SMC1A: variants seen among roughly 807,000 people sequenced by gnomAD.
SMC1A encodes structural maintenance of chromosomes protein 1A.
SMC1A carries 4 observed loss-of-function variants against 94.5 expected under a neutral mutation model. That is an observed-to-expected ratio of 0.04 (90% confidence interval 0.02 to 0.10). The LOEUF (loss-of-function observed/expected upper bound fraction) is 0.10, where lower values mean the gene tolerates loss of function less well. SMC1A is among the 10% of genes least tolerant of loss of function. The probability of loss-of-function intolerance (pLI) is 1.00; values close to 1 mark genes in which losing one functional copy is unlikely to be tolerated. For synonymous variants in SMC1A, 345 were observed against 347.7 expected, an observed-to-expected ratio of 0.99 and a Z score of 0.09; for missense variants, 304 against 989.0, an observed-to-expected ratio of 0.31 and a Z score of 9.29.
At chrX:53,411,937 CA>C (rs1351526478) in intron 6 of SMC1A, 36 bp from the exon 7 acceptor site, 5 of 1,209,311 alleles carry the variant, frequency 4.1e-6, no homozygotes, top group Middle Eastern at 4.6e-4. Flanking sequence ...CAGGGATGAC[CA>C]AGTCAGCAGA....
intron 9 of SMC1A, among the ~76,000 whole-genome samples, chrX:53,408,140 C>T (rs1556890003): frequency 9.0e-6 from 1 of 111,672 alleles, no homozygotes; most frequent in Non-Finnish European, 1.9e-5. Flanking sequence ...ACCAGCCTGG[C>T]CAACATGGTG....
At chrX:53,422,693 G>A, upstream of SMC1A, 1 of 595,322 alleles carries the variant, frequency 1.7e-6, no homozygotes, top group Non-Finnish European at 2.9e-6. Context: ...TGCAAGCCGG[G>A]CGACCGGCAA....
In SMC1A at chrX:53,374,502, A is replaced by G. The variant is rs1425777343; in HGVS notation, c.*5601T>C. 9.0e-6 allele frequency: 1 copy of G among 111,593 alleles called. No homozygotes were observed. Among genetic ancestry groups the G allele is most frequent in the Non-Finnish European group, 1.9e-5 (1 of 53,122 alleles). 9.2% of individuals were successfully genotyped at this position (111,593 alleles called of 1,213,427 possible). A position where few individuals can be genotyped will look rare whatever the true frequency, so the allele number is the denominator to read the frequency against. On this transcript the variant is annotated 3_prime_UTR_variant, in exon 25 of 25. Coordinates refer to ENST00000322213, the MANE Select transcript of SMC1A (RefSeq NM_006306.4). ...TCCTATTAATCCATGGCTTTTCTGC[A>G]TTGTAGCTCCTGCTGCCTCTTCCAT... is the stretch of plus-strand genomic sequence containing the variant.
In SMC1A at chrX:53,383,180, A is replaced by G; in HGVS notation, c.3047T>C (p.Val1016Ala). The G allele has an allele frequency of 8.3e-7, 1 of 1,199,715 alleles. No individual in the cohort carries two copies. The highest frequency in any genetic ancestry group is 1.1e-6 in the Non-Finnish European group (1 of 888,294). The change falls in exon 20 of 25, where the codon GTG becomes GCG. Residue 1016 changes from valine to alanine, a missense_variant. Coordinates refer to ENST00000322213, the MANE Select transcript of SMC1A (RefSeq NM_006306.4). Reference sequence around the variant, plus strand: ...GTTGGGGGCGGCAATACGCTGAAGCACACTCTGCTGCTCATTCAGCTTCTG... The same window carrying G: ...GTTGGGGGCGGCAATACGCTGAAGCGCACTCTGCTGCTCATTCAGCTTCTG... ...LQQKLNEQQS[V>A]LQRIAAPNMK...
chrX:53,384,535 A>AT (rs1455731052), intron 19 of SMC1A, among the ~76,000 whole-genome samples: 1 of 111,249 alleles, frequency 9.0e-6, no homozygotes, highest in African/African-American at 3.3e-5. Flanking sequence ...AAGTGCTGGG[A>AT]TTACAAGTGT....
intron 16 of SMC1A, 77 bp downstream of exon 16, chrX:53,399,509 CATT>C (rs1332362767): frequency 1.5e-5 from 14 of 965,292 alleles, no homozygotes; most frequent in Non-Finnish European, 2.1e-5. Context: ...AAGTTGTGGA[CATT>C]ATCCTTCTGT....
intron 15 of SMC1A, among the ~76,000 whole-genome samples, chrX:53,402,780 G>A (rs1251320301): frequency 2.0e-5 from 2 of 98,568 alleles, no homozygotes; most frequent in Non-Finnish European, 4.0e-5. Flanking sequence ...AGAATTGCAT[G>A]AACACGGGAG....
At chrX:53,419,353 C>T (rs1056503051) in intron 1 of SMC1A, among the ~76,000 whole-genome samples, 3 of 109,311 alleles carry the variant, frequency 2.7e-5, no homozygotes, top group Admixed American at 9.9e-5. Context: ...ATGGCAAAAT[C>T]CCATCTCTAC....
chrX:53,386,228 A>G (rs2075604108), intron 19 of SMC1A, among the ~76,000 whole-genome samples: 1 of 111,903 alleles, frequency 8.9e-6, no homozygotes, highest in African/African-American at 3.2e-5. Flanking sequence ...AATGTGGGAC[A>G]TTTTCCAAGA....
At chrX:53,402,553 T>TA (rs370079547) in intron 15 of SMC1A, among the ~76,000 whole-genome samples, 67 of 92,476 alleles carry the variant, frequency 7.2e-4, no homozygotes, top group East Asian at 1.7e-3. Flanking sequence ...TTAAAAAGGT[T>TA]AAAAAAAAAA....
At chrX:53,419,720 A>T (rs2075747096) in intron 1 of SMC1A, among the ~76,000 whole-genome samples, 1 of 107,930 alleles carries the variant, frequency 9.3e-6, no homozygotes, top group Non-Finnish European at 1.9e-5. Flanking sequence ...GCTCCTCAGG[A>T]GGCTGAGGCA....
chrX:53,403,446 T>C (rs2075679504), intron 15 of SMC1A, 120 bp downstream of exon 15: 1 of 578,146 alleles, frequency 1.7e-6, no homozygotes. Flanking sequence ...AAGGCCTAGC[T>C]ACATAAACTC....
chrX:53,402,865 T>C (rs1384978847), intron 15 of SMC1A, among the ~76,000 whole-genome samples: 14 of 583 alleles, frequency 0.024, no homozygotes, highest in Non-Finnish European at 0.084. Flanking sequence ...CAAGACTCTG[T>C]CTCAAAAAAA....
intron 19 of SMC1A, among the ~76,000 whole-genome samples, chrX:53,384,911 C>T (rs1166495501): frequency 9.1e-6 from 1 of 110,058 alleles, no homozygotes; most frequent in Non-Finnish European, 1.9e-5. Flanking sequence ...TGCCACTGCA[C>T]TCCAACCTGG....
intron 13 of SMC1A, among the ~76,000 whole-genome samples, chrX:53,404,758 G>GT (rs1456419252): frequency 9.0e-6 from 1 of 111,638 alleles, no homozygotes; most frequent in Non-Finnish European, 1.9e-5. Context: ...GGCCGAGTAG[G>GT]TATCATCTTA....
chrX:53,411,388 G>C (rs782369646), intron 7 of SMC1A, among the ~76,000 whole-genome samples: 1 of 110,390 alleles, frequency 9.1e-6, no homozygotes, highest in South Asian at 3.9e-4. Flanking sequence ...TCAGGAGCTC[G>C]AGACCAGCCT....
In SMC1A at chrX:53,388,517, C is replaced by T. The variant is rs920143098; in HGVS notation, c.2974-5264G>A. ...GGAAATTTTAGCATCTGAATTGAGA[C>T]GTGCTGTGTTAAAATACATACTAGA... On this transcript the variant is annotated intron_variant, in intron 19 of 24. Transcript: ENST00000322213. Among the ~76,000 whole-genome samples, 7 of 107,451 alleles carry T rather than the reference C, an allele frequency of 6.5e-5. No individual in the cohort carries two copies. The East Asian group carries it at 8.6e-4, about 13-fold the overall frequency. 93.3% of individuals were successfully genotyped at this position (107,451 alleles called of 115,157 possible).
chrX:53,412,887 G>T lies in SMC1A; in HGVS notation c.854+13C>A. 8.3e-7 allele frequency: 1 copy of T among 1,210,774 alleles called. No homozygotes were observed. Among genetic ancestry groups the T allele is most frequent in the Non-Finnish European group, 1.1e-6 (1 of 894,865 alleles). On this transcript the variant is annotated intron_variant, in intron 5 of 24. Coordinates refer to ENST00000322213, the MANE Select transcript of SMC1A (RefSeq NM_006306.4). ...GGTTTCCCACAAGTTGCAGGCCCAG[G>T]TCTGCCTCTTACTTGATCTCCTTCT... is the stretch of plus-strand genomic sequence containing the variant.
rs1485269958 is a variant in SMC1A, at chrX:53,375,569, C to CT, written c.*4533dup. On this transcript the variant is annotated 3_prime_UTR_variant, in exon 25 of 25. Coordinates refer to ENST00000322213, the MANE Select transcript of SMC1A (RefSeq NM_006306.4). ...TGGCTTGGAAGAGCCTTACTGCACA[C>CT]TGGAGGTGCTTAGCCAAGATTTATT... 9.2e-6 allele frequency: 1 copy of CT among 109,277 alleles called. No individual in the cohort carries two copies. The highest frequency in any genetic ancestry group is 9.8e-5 in the Admixed American group (1 of 10,165). The allele number at this position is 109,277 out of a possible 1,213,427, so 9.0% of individuals were successfully genotyped here. A position where few individuals can be genotyped will look rare whatever the true frequency, so the allele number is the denominator to read the frequency against.
Sources: allele counts gnomAD v4.1 joint callset (sites outside exome capture counted in the v4.1 genomes callset), GRCh38; gene constraint gnomAD v4.1.1; transcripts MANE v1.5; gene names NCBI Gene and HGNC (gene_info 2026-07-23, HGNC 2026-07-21).